Variants in ELOA observed in about 807,000 individuals in gnomAD.
ELOA encodes the protein elongin A.
A neutral mutation model predicts 85.2 loss-of-function variants in ELOA; 15 were observed. That is an observed-to-expected ratio of 0.18 (90% confidence interval 0.12 to 0.27). The LOEUF is 0.27. Among genes scored for constraint, ELOA ranks in the 10% least tolerant of loss-of-function variants. The probability of loss-of-function intolerance (pLI) is 1.00; values close to 1 mark genes in which losing one functional copy is unlikely to be tolerated. For synonymous variants in ELOA, 348 were observed against 357.2 expected, an observed-to-expected ratio of 0.97 and a Z score of 0.29; for missense variants, 769 against 952.7, an observed-to-expected ratio of 0.81 and a Z score of 2.54.
chr1:23,752,521 A>T lies in ELOA; in HGVS notation c.1537+3A>T, dbSNP rs1644776062. The T allele has an allele frequency of 6.2e-7, 1 of 1,612,458 alleles. No individual in the cohort carries two copies. The highest frequency in any genetic ancestry group is 1.7e-4 in the Middle Eastern group (1 of 6,056). Reference sequence around the variant, plus strand: ...CTCCTTCCAGCCAAAGCGAAAAGGTAATTTTCTATATCTTCTTTTTCTTAA... The same window carrying T: ...CTCCTTCCAGCCAAAGCGAAAAGGTTATTTTCTATATCTTCTTTTTCTTAA... On this transcript the variant is annotated splice_donor_region_variant and intron_variant, in intron 5 of 10. Coordinates refer to ENST00000613537, the MANE Select transcript of ELOA (RefSeq NM_003198.3).
chr1:23,757,192 T>C, intron 10 of ELOA, 67 bp downstream of exon 10: 1 of 1,466,588 alleles, frequency 6.8e-7, no homozygotes, highest in African/African-American at 1.4e-5. Context: ...AATGTCATTA[T>C]TCACTGTATT....
intron 10 of ELOA, among the ~76,000 whole-genome samples, chr1:23,759,305 T>A (rs1638259321): frequency 6.6e-6 from 1 of 152,252 alleles, no homozygotes; most frequent in African/African-American, 2.4e-5. Context: ...GAGAGAGTGG[T>A]GGTCATGCCC....
At chr1:23,746,813 C>G (rs1272893854) in intron 1 of ELOA, among the ~76,000 whole-genome samples, 1 of 152,168 alleles carries the variant, frequency 6.6e-6, no homozygotes, top group African/African-American at 2.4e-5. Flanking sequence ...CCAGTTCTTA[C>G]AAGCTCTATA....
At chr1:23,749,191 C>A in intron 2 of ELOA, 114 bp downstream of exon 2, 1 of 872,808 alleles carries the variant, frequency 1.1e-6, no homozygotes, top group Non-Finnish European at 1.8e-6. Context: ...AAACCAGACA[C>A]AAAAGGCCAT....
rs1390574350 is a variant in ELOA at position 23,751,116 on chromosome 1, T to A, written c.511T>A (p.Ser171Thr). 1 of 1,614,012 alleles carries A rather than the reference T, an allele frequency of 6.2e-7. No homozygotes were observed. The highest frequency in any genetic ancestry group is 1.1e-5 in the South Asian group (1 of 91,086). Residue 171 changes from serine to threonine, a missense_variant, in exon 4 of 11, where the codon TCT becomes ACT. Ser to Thr is a moderately conservative substitution (Grantham distance 58, BLOSUM62 1). This residue lies in a region of ELOA where 440 missense variants were observed against 474.0 expected (regional missense o/e 0.93). Transcript: ENST00000613537. The stretch of plus-strand genomic sequence containing the variant: ...ACCAACTTACTCTTCAGACCCTGAG[T>A]CTTCTGATTATGGCCATGTTCAATC... ...MSPTYSSDPE[S>T]SDYGHVQSPP... is the part of the protein sequence containing the mutation.
rs1557456778 is a variant in ELOA at position 23,758,274 on chromosome 1, T to TA, written c.2257+1149_2257+1150insA. On this transcript the variant is annotated intron_variant, in intron 10 of 10. Transcript: ENST00000613537. ...TTATTTATTTATTTTTTTTTTTTTTTTTTTTTTTTTTTTTTTGGAGACAGA... is the reference window on the plus strand; with the variant it reads ...TTATTTATTTATTTTTTTTTTTTTTTATTTTTTTTTTTTTTTTGGAGACAGA... 2.3e-3 allele frequency among the ~76,000 whole-genome samples: 240 copies of TA among 102,766 alleles called. 5 individuals are homozygous for TA. Among genetic ancestry groups the TA allele is most frequent in the African/African-American group, 8.7e-3 (230 of 26,442 alleles). The allele number at this position is 102,766 out of a possible 152,430, so 67.4% of individuals were successfully genotyped here. A position where few individuals can be genotyped will look rare whatever the true frequency, so the allele number is the denominator to read the frequency against.
At position 23,751,035 on chromosome 1, in the gene ELOA, A is replaced by G. The variant is rs1230497998; in HGVS notation, c.430A>G (p.Lys144Glu). ...ACTCTCGGAGCTCGAGAGACCTCACAAAGTGTCTCACGGTCATGAGAGGAG... is the reference window on the plus strand; with the variant it reads ...ACTCTCGGAGCTCGAGAGACCTCACGAAGTGTCTCACGGTCATGAGAGGAG... ...RKLSELERPHKVSHGHERRDE... is the reference protein window; with the variant it reads ...RKLSELERPHEVSHGHERRDE... Residue 144 changes from lysine to glutamate, a missense_variant, in exon 4 of 11, where the codon AAA (lysine) becomes GAA (glutamate). By Grantham distance (56) the Lys-to-Glu change is moderately conservative (BLOSUM62 1). Around this residue, in one of 4 missense-constraint regions of ELOA, gnomAD observed 440 missense variants for 474.0 expected, o/e 0.93. Coordinates refer to ENST00000613537, the MANE Select transcript of ELOA (RefSeq NM_003198.3). 6.2e-7 allele frequency: 1 copy of G among 1,613,988 alleles called. No individual in the cohort carries two copies. The highest frequency in any genetic ancestry group is 1.3e-5 in the African/African-American group (1 of 74,926).
chr1:23,751,781 G>A lies in ELOA; in HGVS notation c.1176G>A (p.Glu392=). The part of the protein sequence containing the change: ...RKSLGSLPKV[E]ETDMEDEFEQ... Reference sequence around the variant, plus strand: ...CACTGGGCTCCCTCCCTAAAGTTGAGGAGACAGATATGGAGGATGAATTCG... The same window carrying A: ...CACTGGGCTCCCTCCCTAAAGTTGAAGAGACAGATATGGAGGATGAATTCG... Residue 392 remains glutamate, a synonymous_variant, in exon 4 of 11, where the codon GAG becomes GAA. Transcript: ENST00000613537. 1 of 1,614,158 alleles carries A rather than the reference G, an allele frequency of 6.2e-7. No individual in the cohort carries two copies. The highest frequency in any genetic ancestry group is 8.5e-7 in the Non-Finnish European group (1 of 1,180,034).
Position 23,761,115 on chromosome 1 carries a change from C to G in ELOA, c.*1542C>G, listed in dbSNP as rs1234094895. On this transcript the variant is annotated 3_prime_UTR_variant, in exon 11 of 11. Coordinates refer to ENST00000613537, the MANE Select transcript of ELOA (RefSeq NM_003198.3). ...ACGTAGGAAGTCTATTCAGCAGAAA[C>G]TCGACATTGTTCAGTGTGTATTGCT... The G allele has an allele frequency of 6.6e-6, 1 of 152,196 alleles. No homozygotes were observed. Among genetic ancestry groups the G allele is most frequent in the Non-Finnish European group, 1.5e-5 (1 of 68,044 alleles). The allele number at this position is 152,196 out of a possible 1,614,324, so 9.4% of individuals were successfully genotyped here.
At chr1:23,755,707 G>C in intron 7 of ELOA, 136 bp from the exon 8 acceptor site, 2 of 698,740 alleles carry the variant, frequency 2.9e-6, no homozygotes, top group East Asian at 3.0e-5. Context: ...TTGAACCCAG[G>C]AGGCAAGGGT....
chr1:23,751,803 T>A lies in ELOA; in HGVS notation c.1198T>A (p.Phe400Ile). The A allele has an allele frequency of 6.2e-7, 1 of 1,614,112 alleles. No individual in the cohort carries two copies. The highest frequency in any genetic ancestry group is 1.1e-5 in the South Asian group (1 of 91,074). ...TGAGGAGACAGATATGGAGGATGAA[T>A]TCGAGCAGCCAACCATGTCTTTTGA... ...KVEETDMEDE[F>I]EQPTMSFESY... Residue 400 changes from phenylalanine (F) to isoleucine (I), a missense_variant, in exon 4 of 11, where the codon TTC becomes ATC. Around this residue, in one of 4 missense-constraint regions of ELOA, gnomAD observed 193 missense variants for 278.9 expected, o/e 0.69. Coordinates refer to ENST00000613537, the MANE Select transcript of ELOA (RefSeq NM_003198.3).
chr1:23,758,214 ATATT>A (rs1468298694), intron 10 of ELOA, among the ~76,000 whole-genome samples: 2 of 140,818 alleles, frequency 1.4e-5, no homozygotes, highest in Non-Finnish European at 3.1e-5. Context: ...TAGCTTCCAA[ATATT>A]TATTCTTTAT....
chr1:23,749,913 A>G lies in ELOA; in HGVS notation c.204A>G (p.Leu68=). Residue 68 remains leucine (L), a synonymous_variant, in exon 3 of 11, where the codon CTA becomes CTG. Coordinates refer to ENST00000613537, the MANE Select transcript of ELOA (RefSeq NM_003198.3). ...ATGTTGGAAGCTTTGCCAGGGACCT[A>G]GTGGCCCAGTGGAAGAAGCTGGTTC... ...HEHVGSFARD[L]VAQWKKLVPV... is the part of the protein sequence containing the mutation. 4 of 1,613,874 alleles carry G rather than the reference A, an allele frequency of 2.5e-6. No individual in the cohort carries two copies. Among genetic ancestry groups the G allele is most frequent in the African/African-American group, 1.3e-5 (1 of 75,038 alleles).
chr1:23,754,029 A>C, intron 5 of ELOA, 71 bp from the exon 6 acceptor site: 2 of 1,550,894 alleles, frequency 1.3e-6, no homozygotes, highest in Non-Finnish European at 1.7e-6. Flanking sequence ...GGGAAGTAGG[A>C]GGCTGAAGGG....
rs897275308 is a variant in ELOA, at chr1:23,760,318, C to A, written c.*745C>A. 2.1e-4 allele frequency: 28 copies of A among 132,216 alleles called. No homozygotes were observed. Among genetic ancestry groups the A allele is most frequent in the African/African-American group, 7.2e-4 (26 of 36,138 alleles). The allele number at this position is 132,216 out of a possible 1,614,324, so 8.2% of individuals were successfully genotyped here. Reference sequence around the variant, plus strand: ...CCCACCTTTTTGTTTTTTTTTTTTTCTTTGAGGCTCACTAGAGGACGCAGA... The same window carrying A: ...CCCACCTTTTTGTTTTTTTTTTTTTATTTGAGGCTCACTAGAGGACGCAGA... On this transcript the variant is annotated 3_prime_UTR_variant, in exon 11 of 11. Transcript: ENST00000613537.
In ELOA at chr1:23,757,022, C is replaced by T. The variant is rs767373292; in HGVS notation, c.2154C>T (p.Ser718=). The change falls in exon 10 of 11, where the codon AGC becomes AGT. Residue 718 remains serine, a synonymous_variant. Coordinates refer to ENST00000613537, the MANE Select transcript of ELOA (RefSeq NM_003198.3). ...ASASSISFNP[S]PEEPAYDGPS... is the part of the protein sequence containing the mutation. ...CCAGTAGCATCAGCTTTAACCCCAGCCCTGAGGAGCCGGCCTATGATGGCC... is the reference window on the plus strand; with the variant it reads ...CCAGTAGCATCAGCTTTAACCCCAGTCCTGAGGAGCCGGCCTATGATGGCC... 5 of 1,611,074 alleles carry T rather than the reference C, an allele frequency of 3.1e-6. No homozygotes were observed. The Admixed American group carries it at 8.4e-5, about 27-fold the overall frequency.
chr1:23,756,478 G>C, intron 9 of ELOA, 93 bp downstream of exon 9: 1 of 1,125,992 alleles, frequency 8.9e-7, no homozygotes, highest in African/African-American at 1.6e-5. Context: ...GTGAAAGTGA[G>C]GCAGTGCAGA....
At chr1:23,754,727 C>T (rs1644787054) in intron 7 of ELOA, among the ~76,000 whole-genome samples, 1 of 152,152 alleles carries the variant, frequency 6.6e-6, no homozygotes, top group Non-Finnish European at 1.5e-5. Flanking sequence ...CTTGCCTAGT[C>T]ATGAAGGTAA....
chr1:23,752,529 ATATC>A lies in ELOA; in HGVS notation c.1537+13_1537+16del. ...AGCCAAAGCGAAAAGGTAATTTTCT[ATATC>A]TTCTTTTTCTTAATGGGAAAAAGAT... On this transcript the variant is annotated intron_variant, in intron 5 of 10. Coordinates refer to ENST00000613537, the MANE Select transcript of ELOA (RefSeq NM_003198.3). 1 of 1,610,498 alleles carries A rather than the reference ATATC, an allele frequency of 6.2e-7. No individual in the cohort carries two copies. Among genetic ancestry groups the A allele is most frequent in the Non-Finnish European group, 8.5e-7 (1 of 1,177,804 alleles).
Sources: allele counts gnomAD v4.1 joint callset (sites outside exome capture counted in the v4.1 genomes callset), GRCh38; gene constraint gnomAD v4.1.1; regional missense constraint gnomAD v4.1.1; transcripts MANE v1.5; gene names NCBI Gene and HGNC (gene_info 2026-07-23, HGNC 2026-07-21).